Variants in TMEM117 observed in about 807,000 individuals in gnomAD.
TMEM117 encodes transmembrane protein 117.
TMEM117 carries 27 observed loss-of-function variants against 52.4 expected under a neutral mutation model. The ratio of observed to expected loss-of-function variants is 0.51; its 90% CI spans 0.38 to 0.71. The LOEUF is 0.71. Among genes scored for constraint, TMEM117 ranks in the 30% least tolerant of loss-of-function variants. TMEM117 has a pLI of 0.00. For synonymous variants in TMEM117, 215 were observed against 206.3 expected (o/e 1.04, Z -0.36); for missense variants, 556 against 630.5 (o/e 0.88, Z 1.26).
At chr12:44,210,334 T>C (rs76007203) in intron 4 of TMEM117, among the ~76,000 whole-genome samples, 1,746 of 152,306 alleles carry the variant, frequency 0.011, 22 homozygotes, top group South Asian at 0.052. Flanking sequence ...ATTGGATTTT[T>C]AAAATACCTT....
intron 2 of TMEM117, among the ~76,000 whole-genome samples, chr12:43,929,108 C>A (rs1010534133): frequency 6.6e-6 from 1 of 151,528 alleles, no homozygotes; most frequent in African/African-American, 2.4e-5. Context: ...GGGTATATAC[C>A]CAGTAATGGG....
At chr12:43,821,000 C>A in the TMEM117 span, among the ~76,000 whole-genome samples, 2 of 150,790 alleles carry the variant, frequency 1.3e-5, no homozygotes, top group Non-Finnish European at 2.9e-5. Context: ...GAGGCTGAGG[C>A]AGGAGAATGG....
intron 4 of TMEM117, among the ~76,000 whole-genome samples, chr12:44,152,522 A>G (rs1208666901): frequency 8.4e-6 from 1 of 119,550 alleles, no homozygotes; most frequent in Non-Finnish European, 1.6e-5. Flanking sequence ...ATAAATTTAT[A>G]TATATATTTA....
chr12:44,050,493 T>G (rs1946953684), intron 3 of TMEM117, among the ~76,000 whole-genome samples: 1 of 152,206 alleles, frequency 6.6e-6, no homozygotes, highest in Admixed American at 6.5e-5. Context: ...GCAGAGATTC[T>G]TAAGCAGGTC....
At chr12:44,045,764 A>G (rs1212264210) in intron 3 of TMEM117, among the ~76,000 whole-genome samples, 1 of 152,056 alleles carries the variant, frequency 6.6e-6, no homozygotes, top group Admixed American at 6.6e-5. Flanking sequence ...AATCCCTTGA[A>G]CCTGAGAGGC....
Position 43,838,491 on chromosome 12 carries a change from G to T in TMEM117, c.-29+2295G>T, listed in dbSNP as rs115930032. On this transcript the variant is annotated intron_variant, in intron 1 of 7. Transcript: ENST00000266534. ...TTCCATTTATCCTTTTGCAGATTTG[G>T]ATATGTATTATCCAGACTCTACTCT... 7.5e-3 allele frequency among the ~76,000 whole-genome samples: 1,111 copies of T among 147,942 alleles called. 23 individuals carry two copies. Among genetic ancestry groups the T allele is most frequent in the African/African-American group, 0.026 (1,036 of 40,274 alleles).
intron 4 of TMEM117, among the ~76,000 whole-genome samples, chr12:44,155,171 T>G (rs1213550158): frequency 6.6e-6 from 1 of 152,118 alleles, no homozygotes; most frequent in African/African-American, 2.4e-5. Context: ...TTTATCAAAT[T>G]TTGATGTTGC....
intron 3 of TMEM117, among the ~76,000 whole-genome samples, chr12:43,989,120 C>T (rs1223882677): frequency 6.6e-6 from 1 of 152,098 alleles, no homozygotes; most frequent in African/African-American, 2.4e-5. Flanking sequence ...ACTGACTCTT[C>T]TCCAAGTGCT....
chr12:43,958,174 A>G (rs970699741), intron 3 of TMEM117, among the ~76,000 whole-genome samples: 5 of 152,208 alleles, frequency 3.3e-5, no homozygotes, highest in Admixed American at 2.6e-4. Context: ...CAGTATGCAT[A>G]GATACTTATA....
At position 44,012,267 on chromosome 12, in the gene TMEM117, T is replaced by C. The variant is rs183783363; in HGVS notation, c.410+67925T>C. Among the ~76,000 whole-genome samples, 5 of 152,246 alleles carry C rather than the reference T, an allele frequency of 3.3e-5. No homozygotes were observed. The East Asian group carries it at 7.7e-4, about 23-fold the overall frequency. On this transcript the variant is annotated intron_variant, in intron 3 of 7. Coordinates refer to ENST00000266534, the MANE Select transcript of TMEM117 (RefSeq NM_032256.3). The stretch of plus-strand genomic sequence containing the variant: ...GCAGTTTGAATACAATTTGCCCAGG[T>C]GTTATGTGCTTTTTTTGGTACTTGT...
chr12:44,379,285 G>A (rs1034503955), intron 7 of TMEM117, among the ~76,000 whole-genome samples: 1 of 152,092 alleles, frequency 6.6e-6, no homozygotes, highest in Non-Finnish European at 1.5e-5. Flanking sequence ...GAGCCCAGGA[G>A]GTCAAGGCTG....
chr12:44,336,752 T>G (rs1278311729), intron 6 of TMEM117, among the ~76,000 whole-genome samples: 1 of 151,854 alleles, frequency 6.6e-6, no homozygotes, highest in Non-Finnish European at 1.5e-5. Context: ...ATGGTATCAG[T>G]CATAGAGCAA....
At chr12:43,818,703 A>C in the TMEM117 span, among the ~76,000 whole-genome samples, 11 of 152,280 alleles carry the variant, frequency 7.2e-5, no homozygotes, top group African/African-American at 2.6e-4. Flanking sequence ...TTGGCTTCTC[A>C]AAGTGCTGGG....
chr12:43,986,224 TA>T (rs1371648448), intron 3 of TMEM117, among the ~76,000 whole-genome samples: 1 of 152,086 alleles, frequency 6.6e-6, no homozygotes, highest in African/African-American at 2.4e-5. Flanking sequence ...TGATAGAGGT[TA>T]AAAAAATCAA....
the TMEM117 span, chr12:43,804,303 T>G: frequency 1.7e-6 from 1 of 585,564 alleles, no homozygotes; most frequent in East Asian, 3.4e-5. Flanking sequence ...GTTTCCCTGA[T>G]AGTCACATAA....
intron 3 of TMEM117, among the ~76,000 whole-genome samples, chr12:44,123,577 A>G (rs934783963): frequency 6.6e-6 from 1 of 152,098 alleles, no homozygotes; most frequent in African/African-American, 2.4e-5. Context: ...TGATTTTTGT[A>G]TATGGTGTAA....
At chr12:44,323,927 CTT>C (rs1361660874) in intron 6 of TMEM117, among the ~76,000 whole-genome samples, 1 of 152,036 alleles carries the variant, frequency 6.6e-6, no homozygotes, top group Non-Finnish European at 1.5e-5. Context: ...GCCCTTCTGT[CTT>C]TTGCTGTGCT....
chr12:44,260,644 A>C (rs563069704), intron 5 of TMEM117, among the ~76,000 whole-genome samples: 1 of 152,300 alleles, frequency 6.6e-6, no homozygotes, highest in East Asian at 1.9e-4. Flanking sequence ...TACTTTGGTT[A>C]TCATTTGCCC....
chr12:43,879,375 T>C (rs1314584420), intron 2 of TMEM117, among the ~76,000 whole-genome samples: 2 of 152,256 alleles, frequency 1.3e-5, no homozygotes, highest in East Asian at 3.8e-4. Context: ...TATTTCAGTG[T>C]ATAATTGCAT....
Sources: gnomAD v4.1 joint callset for allele counts (sites outside exome capture counted in the v4.1 genomes callset) on GRCh38, gnomAD v4.1.1 for gene constraint, MANE v1.5 for transcripts, NCBI Gene and HGNC (gene_info 2026-07-23, HGNC 2026-07-21) for gene names.